PRR33: variants seen among roughly 807,000 people sequenced by gnomAD.
PRR33 encodes the protein proline rich 33.
In PRR33, 1 loss-of-function variant was observed where a neutral mutation model predicts 0.5. That is an observed-to-expected ratio of 2.18 (90% CI 0.77 to 10.34). The LOEUF is 10.34. PRR33 is among the 30% of genes most tolerant of loss of function. The probability of loss-of-function intolerance (pLI) is 0.13; values close to 1 mark genes in which losing one functional copy is unlikely to be tolerated. For synonymous variants in PRR33, 226 were observed against 110.0 expected (o/e 2.06, Z -6.60); for missense variants, 552 against 251.8 (o/e 2.19, Z -8.07).
At chr11:1,909,940 A>G in the PRR33 span, among the ~76,000 whole-genome samples, 1 of 152,244 alleles carries the variant, frequency 6.6e-6, no homozygotes, top group South Asian at 2.1e-4. Context: ...GTGATATTTT[A>G]AAATATAAAA....
chr11:1,909,475 G>A, the PRR33 span, among the ~76,000 whole-genome samples: 1 of 152,172 alleles, frequency 6.6e-6, no homozygotes, highest in Non-Finnish European at 1.5e-5. Context: ...GCCGGGCGTG[G>A]TGGCACGCGC....
At chr11:1,906,511 CTAGA>C in the PRR33 span, among the ~76,000 whole-genome samples, 1 of 152,138 alleles carries the variant, frequency 6.6e-6, no homozygotes, top group African/African-American at 2.4e-5. Flanking sequence ...CGGGTGGGAG[CTAGA>C]TACTTTTATA....
At chr11:1,911,826 C>T in the PRR33 span, among the ~76,000 whole-genome samples, 2 of 151,882 alleles carry the variant, frequency 1.3e-5, no homozygotes, top group African/African-American at 4.8e-5. Flanking sequence ...TGAATCACTA[C>T]ATCATTCAGT....
the PRR33 span, among the ~76,000 whole-genome samples, chr11:1,898,526 C>T: frequency 5.9e-5 from 9 of 152,106 alleles, no homozygotes; most frequent in Non-Finnish European, 1.2e-4. Flanking sequence ...TGAGCCACCA[C>T]GCCCAGCAGA....
At chr11:1,890,577 A>G (rs1396302667) in exon 1 of PRR33, 1 of 708,098 alleles carries the variant, frequency 1.4e-6, no homozygotes, top group African/African-American at 1.7e-5. Context: ...CGCAGCCGAT[A>G]TGAGCATGAC....
At chr11:1,906,022 C>T in the PRR33 span, among the ~76,000 whole-genome samples, 4 of 146,688 alleles carry the variant, frequency 2.7e-5, no homozygotes, top group African/African-American at 1.0e-4. Flanking sequence ...GATGAGTTCT[C>T]CCTCTGTTGC....
the PRR33 span, among the ~76,000 whole-genome samples, chr11:1,898,600 G>A: frequency 6.6e-6 from 1 of 152,182 alleles, no homozygotes; most frequent in Non-Finnish European, 1.5e-5. Context: ...CTCACAAACA[G>A]TGCCCATCTA....
chr11:1,916,221 C>T, the PRR33 span, among the ~76,000 whole-genome samples: 2 of 152,224 alleles, frequency 1.3e-5, no homozygotes, highest in South Asian at 4.1e-4. Context: ...GCCCTGCAGC[C>T]TTCAGCGTCT....
the PRR33 span, among the ~76,000 whole-genome samples, chr11:1,917,079 G>A: frequency 6.6e-6 from 1 of 152,250 alleles, no homozygotes; most frequent in Admixed American, 6.5e-5. Context: ...CTAGGCATGT[G>A]GGGAGGCAGC....
chr11:1,892,968 T>TGGATGAGTGAATGAGTA, upstream of PRR33, among the ~76,000 whole-genome samples: 1 of 147,300 alleles, frequency 6.8e-6, no homozygotes, highest in Non-Finnish European at 1.5e-5. Flanking sequence ...GAGGGATATG[T>TGGATGAGTGAATGAGTA]GGATGAGTGA....
At chr11:1,916,869 G>A in the PRR33 span, among the ~76,000 whole-genome samples, 15 of 152,150 alleles carry the variant, frequency 9.9e-5, no homozygotes, top group Non-Finnish European at 1.6e-4. Context: ...TGCCCAATGC[G>A]GAGGTCAGGA....
At chr11:1,913,096 G>A in the PRR33 span, among the ~76,000 whole-genome samples, 2 of 151,264 alleles carry the variant, frequency 1.3e-5, no homozygotes, top group Admixed American at 1.3e-4. Flanking sequence ...TTGTTCTGGG[G>A]TAATCCATAC....
chr11:1,913,684 G>C, the PRR33 span, among the ~76,000 whole-genome samples: 1 of 152,248 alleles, frequency 6.6e-6, no homozygotes, highest in African/African-American at 2.4e-5. Flanking sequence ...CAGACAGTTG[G>C]CTGGGGCATT....
upstream of PRR33, chr11:1,891,978 C>T (rs1398474423): frequency 6.6e-6 from 1 of 152,382 alleles, no homozygotes; most frequent in Non-Finnish European, 1.5e-5. Flanking sequence ...CTGACCACCG[C>T]CCCCGCCCTC....
At chr11:1,899,409 T>C in the PRR33 span, among the ~76,000 whole-genome samples, 2 of 152,168 alleles carry the variant, frequency 1.3e-5, no homozygotes, top group South Asian at 2.1e-4. Context: ...GGGTTCTAGA[T>C]TGTGAAGCGT....
At chr11:1,889,923 G>T (rs767454220) in exon 1 of PRR33, 8 of 629,572 alleles carry the variant, frequency 1.3e-5, no homozygotes, top group Non-Finnish European at 2.0e-5. Flanking sequence ...TGGGACCAGG[G>T]GCTGGGCCCT....
At chr11:1,890,087 G>A (rs1848929412) in exon 1 of PRR33, 2 of 716,004 alleles carry the variant, frequency 2.8e-6, no homozygotes, top group Non-Finnish European at 5.2e-6. Context: ...CAGGGACGAA[G>A]CCACTGGGGG....
At chr11:1,889,226 AG>A in the PRR33 span, 1 of 675,338 alleles carries the variant, frequency 1.5e-6, no homozygotes. Context: ...GGACTGTGGG[AG>A]GGGGCCGGGT....
exon 1 of PRR33, chr11:1,889,576 G>A (rs576555888): frequency 2.3e-4 from 139 of 612,292 alleles, no homozygotes; most frequent in Non-Finnish European, 3.4e-4. Context: ...CCACTGAGCC[G>A]GGGCTTGGGT....
Sources: allele counts gnomAD v4.1 joint callset (sites outside exome capture counted in the v4.1 genomes callset), GRCh38; gene constraint gnomAD v4.1.1; transcripts MANE v1.5; gene names NCBI Gene and HGNC (gene_info 2026-07-23, HGNC 2026-07-21).